Variants in KIF26B observed in about 807,000 individuals in gnomAD.
KIF26B encodes the protein kinesin-like protein KIF26B.
KIF26B carries 63 observed loss-of-function variants against 151.2 expected under a neutral mutation model. The observed-to-expected ratio is 0.42, with a 90% CI of 0.34 to 0.51. KIF26B has a LOEUF of 0.51. Among genes scored for constraint, KIF26B ranks in the 20% least tolerant of loss-of-function variants. KIF26B has a pLI of 0.07. For missense variants in KIF26B, 2,813 were observed against 2,913.6 expected (o/e 0.97, Z 0.79); for synonymous variants, 1,357 against 1,262.1 (o/e 1.08, Z -1.59).
chr1:245,354,402 C>T (rs1359105037), intron 2 of KIF26B, among the ~76,000 whole-genome samples: 1 of 152,216 alleles, frequency 6.6e-6, no homozygotes, highest in Non-Finnish European at 1.5e-5. Flanking sequence ...GCTCTGTGAC[C>T]AGCCTCGTAA....
intron 2 of KIF26B, among the ~76,000 whole-genome samples, chr1:245,207,307 A>G (rs1232431792): frequency 6.6e-6 from 1 of 152,158 alleles, no homozygotes; most frequent in Non-Finnish European, 1.5e-5. Flanking sequence ...CACAGGAGGG[A>G]AAGGGTTTTT....
At chr1:245,311,285 C>T (rs375164945) in intron 2 of KIF26B, among the ~76,000 whole-genome samples, 5 of 152,158 alleles carry the variant, frequency 3.3e-5, no homozygotes, top group South Asian at 2.1e-4. Context: ...GAGGGTGGTC[C>T]GTGTTGGGTC....
intron 3 of KIF26B, among the ~76,000 whole-genome samples, chr1:245,410,125 C>T (rs1300074362): frequency 4.6e-5 from 7 of 152,294 alleles, no homozygotes; most frequent in African/African-American, 1.7e-4. Flanking sequence ...GGGGGCTTTC[C>T]CCTGCCCATC....
At chr1:245,607,264 G>A (rs982614003) in intron 6 of KIF26B, among the ~76,000 whole-genome samples, 2 of 151,980 alleles carry the variant, frequency 1.3e-5, no homozygotes, top group African/African-American at 2.4e-5. Flanking sequence ...CTATGTATAC[G>A]TGTGTCAGCA....
intron 2 of KIF26B, among the ~76,000 whole-genome samples, chr1:245,265,716 T>A (rs1670733177): frequency 6.6e-6 from 1 of 151,422 alleles, no homozygotes; most frequent in Admixed American, 6.6e-5. Flanking sequence ...TCCTCCCACC[T>A]CAGCTAGGAC....
intron 5 of KIF26B, among the ~76,000 whole-genome samples, chr1:245,592,354 G>A (rs1398665288): frequency 6.6e-6 from 1 of 152,220 alleles, no homozygotes; most frequent in Non-Finnish European, 1.5e-5. Context: ...ATGGAGGGAA[G>A]AGCAGTCCAG....
Position 245,563,931 on chromosome 1 carries a change from G to T in KIF26B, c.1350+22981G>T, listed in dbSNP as rs376831391. ...CAGGTTCCTTTTTCTCTCCCTGTCC[G>T]TGCATCCATCTGTTTCTGCACTCTC... On this transcript the variant is annotated intron_variant, in intron 5 of 14. Coordinates refer to ENST00000407071, the MANE Select transcript of KIF26B (RefSeq NM_018012.4). The surrounding 1 kb of genome is among the most constrained non-coding windows in gnomAD (Gnocchi z 4.6). Among the ~76,000 whole-genome samples the T allele has an allele frequency of 5.3e-5, 8 of 152,142 alleles. No individual in the cohort carries two copies. The highest frequency in any genetic ancestry group is 1.3e-4 in the Admixed American group (2 of 15,280).
At chr1:245,607,776 C>G (rs149593134) in intron 7 of KIF26B, 32 bp downstream of exon 7, 2 of 1,534,252 alleles carry the variant, frequency 1.3e-6, no homozygotes, top group African/African-American at 2.7e-5. Context: ...TCATGCGGCT[C>G]GTTGAGCTCC....
chr1:245,280,883 C>G (rs1376455324), intron 2 of KIF26B, among the ~76,000 whole-genome samples: 2 of 81,656 alleles, frequency 2.4e-5, no homozygotes, highest in African/African-American at 5.5e-5. Context: ...CGATAGTTTA[C>G]TGAGAATGAT....
chr1:245,678,592 A>G (rs12564948), intron 10 of KIF26B, among the ~76,000 whole-genome samples: 92,220 of 151,930 alleles, frequency 0.61, 30,186 homozygotes, highest in African/African-American at 0.87. Flanking sequence ...GGCCTGGCAC[A>G]GTGGCTCACG....
chr1:245,273,409 C>T (rs1670884888), intron 2 of KIF26B, among the ~76,000 whole-genome samples: 1 of 127,076 alleles, frequency 7.9e-6, no homozygotes, highest in African/African-American at 3.0e-5. Context: ...CAGAGCGAGA[C>T]TTATCTCAAA....
chr1:245,196,873 C>T (rs1558341610), intron 2 of KIF26B, among the ~76,000 whole-genome samples: 1 of 152,182 alleles, frequency 6.6e-6, no homozygotes, highest in Admixed American at 6.5e-5. Context: ...CTCAGAGGTA[C>T]TGTGTGCTGT....
At chr1:245,323,746 T>C (rs1671929883) in intron 2 of KIF26B, among the ~76,000 whole-genome samples, 1 of 152,252 alleles carries the variant, frequency 6.6e-6, no homozygotes, top group South Asian at 2.1e-4. Context: ...ATCTATTTAT[T>C]CGCTTATTCA....
chr1:245,624,597 T>C (rs1465514298), intron 9 of KIF26B, among the ~76,000 whole-genome samples: 3 of 152,262 alleles, frequency 2.0e-5, no homozygotes, highest in Non-Finnish European at 4.4e-5. Context: ...TTCTGTCCTT[T>C]TAAAAATTGT....
chr1:245,390,438 C>G (rs1188900892), intron 3 of KIF26B, among the ~76,000 whole-genome samples: 1 of 152,130 alleles, frequency 6.6e-6, no homozygotes, highest in East Asian at 1.9e-4. Context: ...AGGATGGTCT[C>G]GTGATCCACT....
intron 2 of KIF26B, among the ~76,000 whole-genome samples, chr1:245,294,069 T>C (rs1213089968): frequency 6.6e-6 from 1 of 152,198 alleles, no homozygotes; most frequent in Non-Finnish European, 1.5e-5. Flanking sequence ...TTAAAGAATA[T>C]AGACCATGAT....
chr1:245,241,401 T>C lies in KIF26B; in HGVS notation c.465+84718T>C, dbSNP rs947021032. On this transcript the variant is annotated intron_variant, in intron 2 of 14. Transcript: ENST00000407071. This position sits in a 1 kb window ranked among gnomAD's most constrained non-coding sequence, Gnocchi z 5.0. ...GCTGGAGGTTGGCTGTCCGTGGTGG[T>C]CTGGTTCTAAGTAGGAGAAGAGGTG... 6.6e-6 allele frequency among the ~76,000 whole-genome samples: 1 copy of C among 152,000 alleles called. No homozygotes were observed. The highest frequency in any genetic ancestry group is 2.4e-5 in the African/African-American group (1 of 41,360).
At chr1:245,179,923 C>T (rs973014200) in intron 2 of KIF26B, among the ~76,000 whole-genome samples, 22 of 152,118 alleles carry the variant, frequency 1.4e-4, no homozygotes, top group Admixed American at 3.3e-4. Context: ...ATGGCCTGTG[C>T]GGGCCTGGGT....
Position 245,166,943 on chromosome 1 carries a change from G to T in KIF26B, c.465+10260G>T, listed in dbSNP as rs187729333. 6.6e-6 allele frequency among the ~76,000 whole-genome samples: 1 copy of T among 152,330 alleles called. No homozygotes were observed. The highest frequency in any genetic ancestry group is 1.9e-4 in the East Asian group (1 of 5,186). The stretch of plus-strand genomic sequence containing the variant: ...GCTATAGAGGTTAGCAAAGCAGAAG[G>T]CTCTGAGGGTAGAGTAAGTATTATT... On this transcript the variant is annotated intron_variant, in intron 2 of 14. Transcript: ENST00000407071. The surrounding 1 kb of genome is among the most constrained non-coding windows in gnomAD (Gnocchi z 4.5).
Sources: allele counts gnomAD v4.1 joint callset (sites outside exome capture counted in the v4.1 genomes callset), GRCh38; gene constraint gnomAD v4.1.1; non-coding constraint Gnocchi (gnomAD v3.1); transcripts MANE v1.5; gene names NCBI Gene and HGNC (gene_info 2026-07-23, HGNC 2026-07-21).